Variants in DAPK2 observed in about 807,000 individuals in gnomAD.
DAPK2 encodes the protein death associated protein kinase 2.
A neutral mutation model predicts 44.1 loss-of-function variants in DAPK2; 35 were observed. That is an observed-to-expected ratio of 0.79 (90% CI 0.61 to 1.05). The LOEUF is 1.05. DAPK2 is among the 50% of genes least tolerant of loss of function. The pLI is 0.00. For missense variants in DAPK2, 453 were observed against 483.2 expected, an observed-to-expected ratio of 0.94 and a Z score of 0.59; for synonymous variants, 174 against 182.6, an observed-to-expected ratio of 0.95 and a Z score of 0.38.
intron 1 of DAPK2, chr15:63,991,243 A>T (rs1439241219): frequency 2.2e-6 from 1 of 456,272 alleles, no homozygotes; most frequent in Non-Finnish European, 4.4e-6. Flanking sequence ...CCAGGTGGGC[A>T]GTGCGCTGGG....
intron 1 of DAPK2, among the ~76,000 whole-genome samples, chr15:64,035,799 C>A (rs1038320803): frequency 2.6e-5 from 4 of 152,200 alleles, no homozygotes; most frequent in African/African-American, 9.7e-5. Context: ...GTGAGCACAG[C>A]CAACTGCCTG....
intron 3 of DAPK2, among the ~76,000 whole-genome samples, chr15:63,955,500 G>A (rs947176795): frequency 1.2e-4 from 18 of 152,132 alleles, no homozygotes; most frequent in African/African-American, 4.3e-4. Flanking sequence ...CTCTTAGAAC[G>A]ACTTTGGAAG....
intron 3 of DAPK2, among the ~76,000 whole-genome samples, chr15:63,950,400 T>A (rs13329621): frequency 0.021 from 3,256 of 152,012 alleles, 122 homozygotes; most frequent in African/African-American, 0.07. Context: ...ACATTTTTTT[T>A]TTTTGTAGAG....
intron 4 of DAPK2, among the ~76,000 whole-genome samples, chr15:63,933,384 C>T (rs1466118147): frequency 1.3e-5 from 2 of 152,038 alleles, no homozygotes. Context: ...GCTGGGATTA[C>T]AGGTGCACGC....
chr15:64,002,008 A>G (rs937753894), intron 1 of DAPK2, among the ~76,000 whole-genome samples: 1 of 150,452 alleles, frequency 6.6e-6, no homozygotes, highest in Non-Finnish European at 1.5e-5. Flanking sequence ...CCTTCTGTGA[A>G]TAAAAGTAGC....
rs957393859 is a variant in DAPK2, at chr15:63,924,857, G to A, written c.817C>T (p.Arg273Trp). The change falls in exon 8 of 11, where the codon CGG (arginine) becomes TGG (tryptophan). Residue 273 changes from arginine to tryptophan, a missense_variant. Physicochemically the swap from Arg to Trp is moderately radical, Grantham distance 101. Coordinates refer to ENST00000261891, the Ensembl canonical transcript of DAPK2. ...CTGAGAGCCTCTTGGATTGTGAGCC[G>A]TTTCCTGCAATGAGGATTGGGAAAC... The A allele has an allele frequency of 1.7e-5, 28 of 1,614,020 alleles. No individual in the cohort carries two copies. The highest frequency in any genetic ancestry group is 4.5e-5 in the East Asian group (2 of 44,894).
intron 3 of DAPK2, chr15:63,942,097 G>T: frequency 2.0e-6 from 1 of 510,422 alleles, no homozygotes; most frequent in Non-Finnish European, 2.5e-6. Context: ...GAATGGGGGT[G>T]GGAGCCAGAC....
chr15:64,027,318 A>T (rs1164623995), intron 1 of DAPK2, among the ~76,000 whole-genome samples: 1 of 152,090 alleles, frequency 6.6e-6, no homozygotes, highest in Non-Finnish European at 1.5e-5. Context: ...TGGGAGGTGG[A>T]GGTTGCAGTG....
chr15:63,969,131 CGT>C (rs1407560854), intron 3 of DAPK2, among the ~76,000 whole-genome samples: 3 of 152,144 alleles, frequency 2.0e-5, no homozygotes, highest in African/African-American at 7.2e-5. Context: ...TAAAAAATAC[CGT>C]GACAGCCAGG....
Position 63,936,474 on chromosome 15 carries a change from G to C in DAPK2, c.583+2758C>G, listed in dbSNP as rs1190526460. Reference sequence around the variant, plus strand: ...AAAAATACAAAAATTAGCCAGACGTGGTGGTGGGTGCCTGTAATCCCAGCT... The same window carrying C: ...AAAAATACAAAAATTAGCCAGACGTCGTGGTGGGTGCCTGTAATCCCAGCT... On this transcript the variant is annotated intron_variant, in intron 4 of 10. Coordinates refer to ENST00000261891, the Ensembl canonical transcript of DAPK2. Among the ~76,000 whole-genome samples, 9 of 152,242 alleles carry C rather than the reference G, an allele frequency of 5.9e-5. No homozygotes were observed. The South Asian group carries it at 1.9e-3, about 32-fold the overall frequency.
intron 3 of DAPK2, among the ~76,000 whole-genome samples, chr15:63,940,191 C>T (rs1296828978): frequency 6.6e-6 from 1 of 152,336 alleles, no homozygotes; most frequent in South Asian, 2.1e-4. Context: ...CTTTCTCCCA[C>T]TCCACACAAC....
intron 3 of DAPK2, among the ~76,000 whole-genome samples, chr15:63,947,422 G>C (rs978389500): frequency 2.0e-5 from 3 of 152,176 alleles, no homozygotes; most frequent in African/African-American, 7.2e-5. Flanking sequence ...CCCAGTTACT[G>C]TTTACTGGAC....
chr15:63,912,281 G>A lies in DAPK2; in HGVS notation c.859-84C>T, dbSNP rs867137886. Reference sequence around the variant, plus strand: ...CTCGCCGCAGAACTCCCCACCCACCGCATGCCCACCGCCCTTGGCTTGACC... The same window carrying A: ...CTCGCCGCAGAACTCCCCACCCACCACATGCCCACCGCCCTTGGCTTGACC... On this transcript the variant is annotated intron_variant, in intron 8 of 10. Transcript: ENST00000261891. The surrounding 1 kb of genome is among the most constrained non-coding windows in gnomAD (Gnocchi z 4.4). The A allele has an allele frequency of 1.2e-5, 16 of 1,371,536 alleles. No homozygotes were observed. The highest frequency in any genetic ancestry group is 5.7e-5 in the African/African-American group (4 of 70,096). 85.0% of individuals were successfully genotyped at this position (1,371,536 alleles called of 1,614,324 possible). A position where few individuals can be genotyped will look rare whatever the true frequency, so the allele number is the denominator to read the frequency against.
chr15:64,038,910 T>C (rs540647360), intron 1 of DAPK2, among the ~76,000 whole-genome samples: 46 of 152,314 alleles, frequency 3.0e-4, no homozygotes, highest in African/African-American at 8.7e-4. Context: ...GATAAATGCA[T>C]ATCTGATTGC....
intron 1 of DAPK2, among the ~76,000 whole-genome samples, chr15:63,991,806 A>G (rs559971249): frequency 2.7e-4 from 41 of 152,316 alleles, no homozygotes; most frequent in Admixed American, 5.2e-4. Context: ...CACTCCAACC[A>G]AGCCGAACTC....
At chr15:63,988,917 C>T (rs1417757130) in intron 1 of DAPK2, among the ~76,000 whole-genome samples, 1 of 151,908 alleles carries the variant, frequency 6.6e-6, no homozygotes, top group Non-Finnish European at 1.5e-5. Flanking sequence ...TGGTGGCTCA[C>T]ACCTGTCATC....
intron 3 of DAPK2, among the ~76,000 whole-genome samples, chr15:63,951,438 G>A (rs1473052518): frequency 2.6e-5 from 4 of 152,116 alleles, no homozygotes; most frequent in Non-Finnish European, 5.9e-5. Flanking sequence ...TCTATGTCAA[G>A]ATAGGTGACA....
chr15:64,016,618 C>T (rs952763364), intron 1 of DAPK2, among the ~76,000 whole-genome samples: 23 of 152,090 alleles, frequency 1.5e-4, no homozygotes, highest in Non-Finnish European at 2.4e-4. Context: ...AGTAGCAAGA[C>T]CCTGTCTCTA....
intron 1 of DAPK2, among the ~76,000 whole-genome samples, chr15:64,033,519 G>C (rs753434385): frequency 3.9e-5 from 6 of 152,210 alleles, no homozygotes; most frequent in Non-Finnish European, 8.8e-5. Context: ...ATTTCGTTAA[G>C]TGAGAAAAGC....
Sources: allele counts gnomAD v4.1 joint callset (sites outside exome capture counted in the v4.1 genomes callset), GRCh38; gene constraint gnomAD v4.1.1; non-coding constraint Gnocchi (gnomAD v3.1); transcripts MANE v1.5; gene names NCBI Gene and HGNC (gene_info 2026-07-23, HGNC 2026-07-21).